Variants in RUVBL1 observed in about 807,000 individuals in gnomAD.
RUVBL1 encodes the protein ruvB-like 1.
Under a neutral mutation model 52.4 loss-of-function variants are expected in RUVBL1, and 4 were observed. The ratio of observed to expected loss-of-function variants is 0.08; its 90% CI spans 0.04 to 0.17. The LOEUF is 0.17. RUVBL1 is among the 10% of genes least tolerant of loss of function. The pLI, the probability that RUVBL1 is intolerant of heterozygous loss-of-function variation, is 1.00. For synonymous variants in RUVBL1, 217 were observed against 214.4 expected (o/e 1.01, Z -0.10); for missense variants, 298 against 572.8 (o/e 0.52, Z 4.90).
At position 128,100,576 on chromosome 3, in the gene RUVBL1, C is replaced by G. The variant is rs763095039; in HGVS notation, c.753+19G>C. On this transcript the variant is annotated intron_variant, in intron 6 of 10. Transcript: ENST00000322623. ...CAAAAGGGCTAATGTGCCAGATCAC[C>G]CAGGCATCGAGGCAGTACCTGGGGC... 2 of 1,576,934 alleles carry G rather than the reference C, an allele frequency of 1.3e-6. No individual in the cohort carries two copies. Among genetic ancestry groups the G allele is most frequent in the Non-Finnish European group, 1.7e-6 (2 of 1,164,084 alleles).
chr3:128,147,113 C>T (rs1237530591), intron 1 of RUVBL1, among the ~76,000 whole-genome samples: 2 of 152,156 alleles, frequency 1.3e-5, no homozygotes, highest in Non-Finnish European at 2.9e-5. Flanking sequence ...GCTCTGTTGC[C>T]CGGGCTGGGG....
chr3:128,120,897 C>T (rs1943630427), intron 1 of RUVBL1, among the ~76,000 whole-genome samples: 2 of 151,556 alleles, frequency 1.3e-5, no homozygotes, highest in East Asian at 2.0e-4. Context: ...AGAAGAATGG[C>T]GTGAACCCAG....
chr3:128,144,727 C>G (rs1380994751), intron 1 of RUVBL1, among the ~76,000 whole-genome samples: 1 of 152,208 alleles, frequency 6.6e-6, no homozygotes, highest in Non-Finnish European at 1.5e-5. Context: ...AAAGCAAACT[C>G]AGCTTAGTGG....
At chr3:128,115,918 G>A (rs991236643) in intron 2 of RUVBL1, among the ~76,000 whole-genome samples, 10 of 151,992 alleles carry the variant, frequency 6.6e-5, no homozygotes, top group African/African-American at 2.4e-4. Context: ...TTGAGCCCAG[G>A]AGTTCAAGAC....
chr3:128,088,852 T>G (rs1353654369), intron 8 of RUVBL1, among the ~76,000 whole-genome samples: 2 of 152,224 alleles, frequency 1.3e-5, no homozygotes, highest in Non-Finnish European at 2.9e-5. Context: ...AGCATTTAGG[T>G]AGTTTCCAAT....
At chr3:128,135,355 A>T (rs1204148268) in intron 1 of RUVBL1, among the ~76,000 whole-genome samples, 1 of 152,162 alleles carries the variant, frequency 6.6e-6, no homozygotes, top group African/African-American at 2.4e-5. Context: ...AAATAGGGTG[A>T]AACCTCATAT....
rs1036094446 is a variant in RUVBL1, at chr3:128,108,675, G to A, written c.362-3751C>T. Among the ~76,000 whole-genome samples the A allele has an allele frequency of 8.6e-5, 13 of 150,340 alleles. No individual in the cohort carries two copies. The South Asian group carries it at 2.3e-3, about 27-fold the overall frequency. ...TCATGCCACGTACTCCAGCATGGGCGACAGTGTGACACCTTGTCTCAATTA... is the reference window on the plus strand; with the variant it reads ...TCATGCCACGTACTCCAGCATGGGCAACAGTGTGACACCTTGTCTCAATTA... On this transcript the variant is annotated intron_variant, in intron 3 of 10. Transcript: ENST00000322623.
At chr3:128,148,678 T>C (rs1055484167) in intron 1 of RUVBL1, among the ~76,000 whole-genome samples, 8 of 152,200 alleles carry the variant, frequency 5.3e-5, no homozygotes, top group Admixed American at 5.2e-4. Context: ...TGGGACCTTC[T>C]TGTGTCTGCT....
chr3:128,149,823 G>GT (rs780949507), intron 1 of RUVBL1, among the ~76,000 whole-genome samples: 12 of 152,228 alleles, frequency 7.9e-5, no homozygotes, highest in Non-Finnish European at 1.8e-4. Flanking sequence ...GTGAGATTCT[G>GT]TTTTCTGGGG....
chr3:128,134,808 G>A (rs2107730790), intron 1 of RUVBL1, among the ~76,000 whole-genome samples: 1 of 151,060 alleles, frequency 6.6e-6, no homozygotes, highest in African/African-American at 2.4e-5. Flanking sequence ...AAAAAAAGAA[G>A]AGGAAGATGA....
In RUVBL1 at chr3:128,082,518, G is replaced by A. The variant is rs1441112695; in HGVS notation, c.1176C>T (p.Asn392=). 8 of 1,613,828 alleles carry A rather than the reference G, an allele frequency of 5.0e-6. No homozygotes were observed. Among genetic ancestry groups the A allele is most frequent in the Admixed American group, 1.7e-5 (1 of 59,984 alleles). The change falls in exon 10 of 11, where the codon AAC becomes AAT. Residue 392 remains asparagine, a synonymous_variant. Transcript: ENST00000322623. This position sits in a 1 kb window ranked among gnomAD's most constrained non-coding sequence, Gnocchi z 4.7. ...TCTTGGTGCCAATCTCCCCCAGGTG[G>A]TTCAGTGCCTCCTCACTGATGTTGA... is the stretch of plus-strand genomic sequence containing the variant. The part of the protein sequence containing the change: ...EGINISEEAL[N]HLGEIGTKTT...
At position 128,119,477 on chromosome 3, in the gene RUVBL1, C is replaced by A. The variant is rs1014616670; in HGVS notation, c.142-63G>T. 6 of 1,373,014 alleles carry A rather than the reference C, an allele frequency of 4.4e-6. No individual in the cohort carries two copies. The African/African-American group carries it at 5.7e-5, about 13-fold the overall frequency. 85.1% of individuals were successfully genotyped at this position (1,373,014 alleles called of 1,614,324 possible). On this transcript the variant is annotated intron_variant, in intron 1 of 10. Coordinates refer to ENST00000322623, the MANE Select transcript of RUVBL1 (RefSeq NM_003707.3). ...TAAAATGTTTCACAAGGGGAAAAAT[C>A]TCAGTCCCTGGCCTACACAAGTCAC...
At position 128,081,202 on chromosome 3, in the gene RUVBL1, G is replaced by A. The variant is rs1301212794; in HGVS notation, c.*48C>T. The stretch of plus-strand genomic sequence containing the variant: ...GGCAAGCGCCCACAGGCTGGACCCA[G>A]GCCAGGCACACCTGGGGAGTCTCTT... On this transcript the variant is annotated 3_prime_UTR_variant, in exon 11 of 11. Coordinates refer to ENST00000322623, the MANE Select transcript of RUVBL1 (RefSeq NM_003707.3). The surrounding 1 kb of genome is among the most constrained non-coding windows in gnomAD (Gnocchi z 4.8). 6.3e-7 allele frequency: 1 copy of A among 1,583,382 alleles called. No homozygotes were observed. The highest frequency in any genetic ancestry group is 1.3e-5 in the African/African-American group (1 of 74,560).
downstream of RUVBL1, among the ~76,000 whole-genome samples, chr3:128,079,918 G>A (rs1017052940): frequency 1.9e-4 from 29 of 152,316 alleles, no homozygotes; most frequent in Admixed American, 2.0e-4. Flanking sequence ...ATTACAGCAC[G>A]GAGATCCAGT....
chr3:128,065,150 C>A, exon 10 of RUVBL1: 1 of 1,176,662 alleles, frequency 8.5e-7, no homozygotes, highest in Non-Finnish European at 1.3e-6. Flanking sequence ...TGTGTTGAAA[C>A]GATGAGATGG....
chr3:128,153,279 C>A (rs1377372210), exon 1 of RUVBL1: 9 of 1,354,258 alleles, frequency 6.6e-6, no homozygotes, highest in Admixed American at 3.9e-5. Flanking sequence ...GCAGGAGGAG[C>A]CACGTGAGAG....
In RUVBL1 at chr3:128,100,619, C is replaced by T. The variant is rs932859126; in HGVS notation, c.729G>A (p.Leu243=). 2 of 1,611,682 alleles carry T rather than the reference C, an allele frequency of 1.2e-6. No individual in the cohort carries two copies. Among genetic ancestry groups the T allele is most frequent in the African/African-American group, 2.7e-5 (2 of 74,770 alleles). ...CCTGGGGCCGCGCATTAGCCACATC[C>T]AAGTCATGCAAGGTCACATCTTGGA... ...EIIQDVTLHD[L]DVANARPQGG... Residue 243 remains leucine (L), a synonymous_variant, in exon 6 of 11, where the codon TTG becomes TTA. Coordinates refer to ENST00000322623, the MANE Select transcript of RUVBL1 (RefSeq NM_003707.3).
chr3:128,147,178 G>A (rs775690768), intron 1 of RUVBL1, among the ~76,000 whole-genome samples: 3 of 152,080 alleles, frequency 2.0e-5, no homozygotes, highest in Non-Finnish European at 4.4e-5. Flanking sequence ...CAAGGGATCC[G>A]CGCACCTCAG....
At chr3:128,109,809 ATTTTT>A (rs60187195) in intron 3 of RUVBL1, among the ~76,000 whole-genome samples, 8 of 80,488 alleles carry the variant, frequency 9.9e-5, no homozygotes, top group Admixed American at 5.8e-4. Flanking sequence ...CTCTCTGTAA[ATTTTT>A]TTTTTTTTTT....
Sources: gnomAD v4.1 joint callset for allele counts (sites outside exome capture counted in the v4.1 genomes callset) on GRCh38, gnomAD v4.1.1 for gene constraint, Gnocchi (gnomAD v3.1) non-coding constraint, MANE v1.5 for transcripts, NCBI Gene and HGNC (gene_info 2026-07-23, HGNC 2026-07-21) for gene names.